The following CNBD1 variants were observed in gnomAD, a reference collection of about 807,000 sequenced individuals.
The protein encoded by CNBD1 is cyclic nucleotide binding domain containing 1, also known as cyclic nucleotide-binding domain-containing protein 1.
A neutral mutation model predicts 54.4 loss-of-function variants in CNBD1; 71 were observed. The observed-to-expected ratio is 1.30, with a 90% CI of 1.08 to 1.59. CNBD1 has a LOEUF of 1.59. Ranked by LOEUF, CNBD1 falls within the 40% of genes most tolerant of loss-of-function variation. The pLI, the probability that CNBD1 is intolerant of heterozygous loss-of-function variation, is 0.00. For missense variants in CNBD1, 659 were observed against 518.0 expected, an observed-to-expected ratio of 1.27 and a Z score of -2.64; for synonymous variants, 182 against 170.7, an observed-to-expected ratio of 1.07 and a Z score of -0.51.
intron 4 of CNBD1, among the ~76,000 whole-genome samples, chr8:86,942,057 A>G (rs1481080666): frequency 1.3e-5 from 2 of 152,242 alleles, no homozygotes; most frequent in Non-Finnish European, 2.9e-5. Context: ...AGGAGAGTAA[A>G]TGAGAAGGAA....
intron 8 of CNBD1, among the ~76,000 whole-genome samples, chr8:87,330,709 G>T (rs1007033635): frequency 6.6e-6 from 1 of 152,140 alleles, no homozygotes. Flanking sequence ...CTGAAATGTG[G>T]TGTATCTTTG....
intron 6 of CNBD1, among the ~76,000 whole-genome samples, chr8:87,265,563 A>G (rs1808236909): frequency 6.6e-6 from 1 of 152,246 alleles, no homozygotes; most frequent in African/African-American, 2.4e-5. Context: ...TAAAAAATTA[A>G]AGTAAATAAT....
chr8:87,092,073 G>C (rs114253031), intron 4 of CNBD1, among the ~76,000 whole-genome samples: 3,978 of 152,126 alleles, frequency 0.026, 178 homozygotes, highest in African/African-American at 0.091. Context: ...AAAAAACTAT[G>C]ACAAAGAAAA....
intron 2 of CNBD1, among the ~76,000 whole-genome samples, chr8:87,411,007 T>C (rs1023102249): frequency 1.3e-5 from 2 of 152,112 alleles, no homozygotes; most frequent in African/African-American, 4.8e-5. Context: ...TAATAGTCTA[T>C]ACACTGCAGT....
chr8:87,297,391 G>A (rs1177796987), intron 8 of CNBD1, among the ~76,000 whole-genome samples: 1 of 151,870 alleles, frequency 6.6e-6, no homozygotes, highest in Non-Finnish European at 1.5e-5. Flanking sequence ...GCTACATGTG[G>A]CTAGCGGCTA....
intron 4 of CNBD1, among the ~76,000 whole-genome samples, chr8:87,126,819 T>G: frequency 6.6e-6 from 1 of 151,938 alleles, no homozygotes; most frequent in East Asian, 1.9e-4. Context: ...TTTTATATGG[T>G]GTGAGCTGTG....
chr8:87,278,729 C>G (rs1249459318), intron 6 of CNBD1, among the ~76,000 whole-genome samples: 12 of 151,390 alleles, frequency 7.9e-5, no homozygotes, highest in Admixed American at 7.9e-4. Context: ...AACTGAAGAA[C>G]AAAGAAACTT....
At chr8:86,925,591 A>C (rs1809345485) in intron 3 of CNBD1, among the ~76,000 whole-genome samples, 1 of 151,362 alleles carries the variant, frequency 6.6e-6, no homozygotes, top group African/African-American at 2.4e-5. Context: ...GGGAACTGAT[A>C]AAGGAAAAAA....
At chr8:86,927,333 G>T (rs1208580032) in intron 3 of CNBD1, among the ~76,000 whole-genome samples, 1 of 152,108 alleles carries the variant, frequency 6.6e-6, no homozygotes, top group Non-Finnish European at 1.5e-5. Context: ...GCTGCTGCAG[G>T]GGGTCCAGGG....
chr8:87,050,052 G>C (rs925833064), intron 4 of CNBD1, among the ~76,000 whole-genome samples: 20 of 152,274 alleles, frequency 1.3e-4, no homozygotes, highest in African/African-American at 4.3e-4. Context: ...TTTAAGTAAG[G>C]CTTGCTTTAG....
At chr8:87,180,809 G>A (rs1254192186) in intron 4 of CNBD1, among the ~76,000 whole-genome samples, 1 of 152,130 alleles carries the variant, frequency 6.6e-6, no homozygotes, top group African/African-American at 2.4e-5. Context: ...TAGGGAATGG[G>A]GAAGGAAGTT....
rs557193690 is a variant in CNBD1 at position 87,419,755 on chromosome 8, A to T, written c.214-8791A>T. Among the ~76,000 whole-genome samples, 4 of 151,952 alleles carry T rather than the reference A, an allele frequency of 2.6e-5. No homozygotes were observed. In the South Asian group the frequency reaches 8.3e-4, roughly 31 times the overall value. ...AAAATATTCCCACAAATGCCAATTC[A>T]CTTTAAAGTATGAATTCCTGTGAAT... On this transcript the variant is annotated intron_variant, in intron 2 of 7. Transcript: ENST00000521593.
chr8:87,343,610 A>G (rs1018029815), intron 8 of CNBD1, among the ~76,000 whole-genome samples: 7 of 152,180 alleles, frequency 4.6e-5, no homozygotes, highest in Admixed American at 6.5e-5. Context: ...TAGGCTTTCA[A>G]TTAAGGAGCA....
intron 5 of CNBD1, among the ~76,000 whole-genome samples, chr8:87,232,628 T>C (rs999727063): frequency 6.6e-6 from 1 of 152,144 alleles, no homozygotes; most frequent in Non-Finnish European, 1.5e-5. Context: ...AAAAAATAAA[T>C]TTAGCTAAAA....
At chr8:87,247,651 G>T (rs1295254871) in intron 6 of CNBD1, among the ~76,000 whole-genome samples, 2 of 152,068 alleles carry the variant, frequency 1.3e-5, no homozygotes, top group Non-Finnish European at 2.9e-5. Flanking sequence ...CTCTGGAGTG[G>T]CTCTCATAAC....
chr8:87,392,890 C>T (rs62528169), intron 2 of CNBD1, among the ~76,000 whole-genome samples: 7,455 of 151,756 alleles, frequency 0.049, 229 homozygotes, highest in Non-Finnish European at 0.061. Flanking sequence ...ATATTGAAGG[C>T]GATGGGAAGT....
At chr8:87,039,258 A>G (rs1810012602) in intron 4 of CNBD1, among the ~76,000 whole-genome samples, 1 of 152,140 alleles carries the variant, frequency 6.6e-6, no homozygotes, top group Admixed American at 6.6e-5. Context: ...TTAATATTCT[A>G]TGGTTTTTAT....
rs868141915 is a variant in CNBD1 at position 87,377,566 on chromosome 8, T to C, written c.1304-5054T>C. ...CCAGTCTATCATTGTTGGACATTTG[T>C]GTTGGTTCCAAGTCTTTGCTATCGT... On this transcript the variant is annotated intron_variant, in intron 10 of 10. Coordinates refer to ENST00000518476, the MANE Select transcript of CNBD1 (RefSeq NM_173538.3). 3.3e-5 allele frequency among the ~76,000 whole-genome samples: 5 copies of C among 151,908 alleles called. No individual in the cohort carries two copies. The East Asian group carries it at 9.7e-4, about 29-fold the overall frequency.
intron 10 of CNBD1, among the ~76,000 whole-genome samples, chr8:87,372,430 C>T (rs72668639): frequency 1.3e-5 from 2 of 151,794 alleles, no homozygotes; most frequent in South Asian, 2.1e-4. Flanking sequence ...TGGTTCCTCA[C>T]TGGATAAAAA....
Sources: allele counts gnomAD v4.1 joint callset (sites outside exome capture counted in the v4.1 genomes callset), GRCh38; gene constraint gnomAD v4.1.1; transcripts MANE v1.5; gene names NCBI Gene and HGNC (gene_info 2026-07-23, HGNC 2026-07-21).